OSBPL11: variants seen among roughly 807,000 people sequenced by gnomAD.
OSBPL11 encodes the protein oxysterol binding protein like 11.
Under a neutral mutation model 84.4 loss-of-function variants are expected in OSBPL11, and 33 were observed. The ratio of observed to expected loss-of-function variants is 0.39; its 90% confidence interval spans 0.30 to 0.52. The LOEUF is 0.52. Among genes scored for constraint, OSBPL11 ranks in the 20% least tolerant of loss-of-function variants. The pLI, the probability that OSBPL11 is intolerant of heterozygous loss-of-function variation, is 0.72. For synonymous variants in OSBPL11, 276 were observed against 310.2 expected (o/e 0.89, Z 1.16); for missense variants, 736 against 901.1 (o/e 0.82, Z 2.35).
intron 8 of OSBPL11, among the ~76,000 whole-genome samples, chr3:125,557,532 C>T (rs1291145901): frequency 1.3e-5 from 2 of 152,084 alleles, no homozygotes; most frequent in Non-Finnish European, 2.9e-5. Flanking sequence ...CAGGCGTGCA[C>T]CACCATGCTC....
rs1053295837 is a variant in OSBPL11 at position 125,549,769 on chromosome 3, G to A, written c.1655-2177C>T. Among the ~76,000 whole-genome samples, 3 of 152,138 alleles carry A rather than the reference G, an allele frequency of 2.0e-5. No individual in the cohort carries two copies. In the East Asian group the frequency reaches 5.8e-4, roughly 29 times the overall value. On this transcript the variant is annotated intron_variant, in intron 9 of 12. Coordinates refer to ENST00000296220, the MANE Select transcript of OSBPL11 (RefSeq NM_022776.5). ...ACCAAAGTGTTGAGATTACAGGTGT[G>A]AGCCACTGTGCTGGGCTTTTCTTCA... is the stretch of plus-strand genomic sequence containing the variant.
At chr3:125,573,520 T>G (rs748828648) in intron 5 of OSBPL11, among the ~76,000 whole-genome samples, 58 of 152,066 alleles carry the variant, frequency 3.8e-4, no homozygotes, top group Non-Finnish European at 7.6e-4. Context: ...AAGTAAAGCT[T>G]TTGTAATAAA....
At chr3:125,535,760 C>CCA (rs912758561) in intron 11 of OSBPL11, among the ~76,000 whole-genome samples, 6 of 151,314 alleles carry the variant, frequency 4.0e-5, no homozygotes, top group Non-Finnish European at 7.4e-5. Context: ...TAGGCGTGAG[C>CCA]CACCACACCG....
chr3:125,576,118 GT>G (rs575407676), intron 5 of OSBPL11, 70 bp downstream of exon 5: 2 of 1,414,634 alleles, frequency 1.4e-6, no homozygotes, highest in Middle Eastern at 2.3e-4. Flanking sequence ...CAGTATTTAA[GT>G]TTTTTTGTGA....
At chr3:125,551,284 T>A (rs1452790023) in intron 9 of OSBPL11, among the ~76,000 whole-genome samples, 1 of 150,920 alleles carries the variant, frequency 6.6e-6, no homozygotes, top group Non-Finnish European at 1.5e-5. Context: ...ATAAAATGAA[T>A]ATATTTAATT....
chr3:125,577,803 T>C (rs1936349116), intron 4 of OSBPL11, among the ~76,000 whole-genome samples: 1 of 151,642 alleles, frequency 6.6e-6, no homozygotes, highest in Admixed American at 6.6e-5. Context: ...CACTCCAGCC[T>C]GGGTAACAGA....
At chr3:125,557,214 C>T (rs1936004287) in intron 8 of OSBPL11, among the ~76,000 whole-genome samples, 1 of 152,022 alleles carries the variant, frequency 6.6e-6, no homozygotes, top group Non-Finnish European at 1.5e-5. Context: ...ATTACTTATT[C>T]ACAACATGAA....
chr3:125,554,481 T>C (rs758707490), intron 8 of OSBPL11, among the ~76,000 whole-genome samples: 20 of 152,158 alleles, frequency 1.3e-4, no homozygotes, highest in Admixed American at 2.6e-4. Context: ...ATGAAAAACA[T>C]AGGCGCCACC....
chr3:125,582,767 C>G (rs1936448396), intron 2 of OSBPL11, 143 bp downstream of exon 2: 1 of 674,350 alleles, frequency 1.5e-6, no homozygotes, highest in Non-Finnish European at 2.5e-6. Context: ...AAGAAGTCAC[C>G]AAACTTTTAG....
At chr3:125,581,859 C>T (rs931434371) in intron 2 of OSBPL11, among the ~76,000 whole-genome samples, 3 of 151,782 alleles carry the variant, frequency 2.0e-5, no homozygotes, top group African/African-American at 7.3e-5. Context: ...GCCTGTAGCT[C>T]CAGCTACTTA....
intron 8 of OSBPL11, among the ~76,000 whole-genome samples, chr3:125,556,486 T>A (rs891219854): frequency 6.6e-6 from 1 of 152,192 alleles, no homozygotes; most frequent in African/African-American, 2.4e-5. Context: ...CTGAAAATAC[T>A]GAGCAGCTCA....
chr3:125,529,484 T>C lies in OSBPL11; in HGVS notation c.*1031A>G, dbSNP rs1483237506. The C allele has an allele frequency of 6.6e-6, 1 of 151,844 alleles. No individual in the cohort carries two copies. The highest frequency in any genetic ancestry group is 2.4e-5 in the African/African-American group (1 of 41,330). 9.4% of individuals were successfully genotyped at this position (151,844 alleles called of 1,614,324 possible). A position where few individuals can be genotyped will look rare whatever the true frequency, so the allele number is the denominator to read the frequency against. ...AAAATAAATAAAACCATACCTTACA[T>C]GCGCGTTCAGTTACACATATAAGTT... On this transcript the variant is annotated 3_prime_UTR_variant, in exon 13 of 13. Transcript: ENST00000296220.
intron 11 of OSBPL11, among the ~76,000 whole-genome samples, chr3:125,536,972 A>G (rs989855007): frequency 1.3e-5 from 2 of 152,006 alleles, no homozygotes; most frequent in African/African-American, 2.4e-5. Context: ...CAGCCTGGCC[A>G]ACATGGTGAA....
intron 11 of OSBPL11, among the ~76,000 whole-genome samples, chr3:125,533,205 C>A (rs1935588414): frequency 6.7e-6 from 1 of 148,186 alleles, no homozygotes; most frequent in South Asian, 2.2e-4. Context: ...CCCTCCCTCC[C>A]TTCTCTCTCC....
At chr3:125,534,287 G>T (rs750623710) in intron 11 of OSBPL11, among the ~76,000 whole-genome samples, 3 of 151,978 alleles carry the variant, frequency 2.0e-5, no homozygotes, top group Non-Finnish European at 4.4e-5. Flanking sequence ...GGAGGCTGAG[G>T]CATGAGAATC....
intron 7 of OSBPL11, among the ~76,000 whole-genome samples, chr3:125,560,900 T>C (rs573787032): frequency 2.0e-5 from 3 of 151,990 alleles, no homozygotes; most frequent in Non-Finnish European, 2.9e-5. Flanking sequence ...AGTTTCACCA[T>C]GTTGGCCAGG....
intron 9 of OSBPL11, among the ~76,000 whole-genome samples, chr3:125,550,277 G>C (rs1452647595): frequency 6.6e-6 from 1 of 151,906 alleles, no homozygotes; most frequent in Non-Finnish European, 1.5e-5. Flanking sequence ...GTGGAAGCTG[G>C]GGTGGGAGGA....
At chr3:125,534,865 T>C (rs997364548) in intron 11 of OSBPL11, among the ~76,000 whole-genome samples, 1 of 149,534 alleles carries the variant, frequency 6.7e-6, no homozygotes, top group Admixed American at 6.8e-5. Context: ...GAGAGGCTAT[T>C]TGGTCCACTA....
chr3:125,589,626 A>G (rs1464360974), intron 1 of OSBPL11, among the ~76,000 whole-genome samples: 3 of 152,162 alleles, frequency 2.0e-5, no homozygotes, highest in Non-Finnish European at 2.9e-5. Context: ...GGAAAAAAAA[A>G]AAAAAAGCAG....
Sources: allele counts gnomAD v4.1 joint callset (sites outside exome capture counted in the v4.1 genomes callset), GRCh38; gene constraint gnomAD v4.1.1; transcripts MANE v1.5; gene names NCBI Gene and HGNC (gene_info 2026-07-23, HGNC 2026-07-21).